The following CTNNA3 variants were observed in gnomAD, a reference collection of about 807,000 sequenced individuals.
CTNNA3 encodes catenin alpha-3.
Under a neutral mutation model 95.7 loss-of-function variants are expected in CTNNA3, and 76 were observed. That is an observed-to-expected ratio of 0.79 (90% confidence interval 0.66 to 0.96). The LOEUF (loss-of-function observed/expected upper bound fraction) is 0.96, where lower values mean the gene tolerates loss of function less well. Ranked by LOEUF, CTNNA3 falls within the 40% of genes least tolerant of loss-of-function variation. The pLI, the probability that CTNNA3 is intolerant of heterozygous loss-of-function variation, is 0.00. For synonymous variants in CTNNA3, 431 were observed against 374.4 expected, an observed-to-expected ratio of 1.15 and a Z score of -1.74; for missense variants, 1,191 against 1,089.8, an observed-to-expected ratio of 1.09 and a Z score of -1.31.
intron 7 of CTNNA3, among the ~76,000 whole-genome samples, chr10:67,055,183 A>G (rs1235971868): frequency 6.6e-6 from 1 of 152,158 alleles, no homozygotes; most frequent in Non-Finnish European, 1.5e-5. Flanking sequence ...GGCTCTTTGC[A>G]TCTCAACTTT....
At chr10:66,938,929 C>T (rs575959223) in intron 7 of CTNNA3, among the ~76,000 whole-genome samples, 6 of 152,244 alleles carry the variant, frequency 3.9e-5, no homozygotes, top group Admixed American at 2.0e-4. Flanking sequence ...GATCTCTCCC[C>T]GTCCACATCC....
chr10:66,996,649 C>CAAAAAAAAAAAAAAAAAAAAAAAAAAAAA, intron 7 of CTNNA3, among the ~76,000 whole-genome samples: 1 of 67,644 alleles, frequency 1.5e-5, no homozygotes, highest in Non-Finnish European at 2.5e-5. Context: ...TCCGTCTCTA[C>CAAAAAAAAAAAAAAAAAAAAAAAAAAAAA]AAAAAAAAAA....
chr10:66,589,235 G>A (rs1315479659), intron 10 of CTNNA3, among the ~76,000 whole-genome samples: 1 of 151,742 alleles, frequency 6.6e-6, no homozygotes, highest in Non-Finnish European at 1.5e-5. Flanking sequence ...GAGAGAGGGG[G>A]ATCAAGGAGA....
intron 5 of CTNNA3, among the ~76,000 whole-genome samples, chr10:67,230,784 T>TA (rs1437944765): frequency 1.3e-5 from 2 of 152,106 alleles, no homozygotes; most frequent in Non-Finnish European, 2.9e-5. Flanking sequence ...CACTAGGGAA[T>TA]ACCAGACACT....
At chr10:67,458,798 T>C (rs1355290098) in intron 5 of CTNNA3, among the ~76,000 whole-genome samples, 2 of 152,176 alleles carry the variant, frequency 1.3e-5, no homozygotes, top group East Asian at 1.9e-4. Context: ...TGGAGGAAAC[T>C]GCCCCCATAA....
At chr10:66,261,379 T>C (rs1282391891) in intron 13 of CTNNA3, among the ~76,000 whole-genome samples, 1 of 152,174 alleles carries the variant, frequency 6.6e-6, no homozygotes, top group East Asian at 1.9e-4. Flanking sequence ...CTAGTCCTTA[T>C]GTTATATTCC....
At chr10:67,270,802 C>A (rs977514588) in intron 5 of CTNNA3, among the ~76,000 whole-genome samples, 1 of 151,996 alleles carries the variant, frequency 6.6e-6, no homozygotes, top group African/African-American at 2.4e-5. Context: ...TTATATGTGA[C>A]GCTAATTCGT....
intron 6 of CTNNA3, among the ~76,000 whole-genome samples, chr10:67,217,487 T>C (rs917934446): frequency 1.1e-4 from 16 of 152,124 alleles, no homozygotes; most frequent in African/African-American, 3.9e-4. Context: ...GAAATATCTT[T>C]TGGACCCCTT....
chr10:66,977,332 A>G (rs1850103606), intron 7 of CTNNA3, among the ~76,000 whole-genome samples: 1 of 151,954 alleles, frequency 6.6e-6, no homozygotes, highest in Admixed American at 6.6e-5. Context: ...GCTACTCAGG[A>G]GGCTGAGGCA....
intron 13 of CTNNA3, among the ~76,000 whole-genome samples, chr10:66,199,787 ATATATATATATATATATATTTTT>A (rs2087229489): frequency 8.2e-5 from 1 of 12,244 alleles, no homozygotes; most frequent in African/African-American, 3.5e-4. Flanking sequence ...ATATATATAT[ATATATATATATATATATATTTTT>A]TTTTTTTTTT....
chr10:66,698,081 T>C (rs1287212681), intron 9 of CTNNA3, among the ~76,000 whole-genome samples: 1 of 152,174 alleles, frequency 6.6e-6, no homozygotes, highest in African/African-American at 2.4e-5. Flanking sequence ...AGCTCTGCCT[T>C]TTTACCCATG....
intron 7 of CTNNA3, among the ~76,000 whole-genome samples, chr10:66,940,501 G>C (rs536500270): frequency 6.6e-6 from 1 of 152,268 alleles, no homozygotes; most frequent in African/African-American, 2.4e-5. Flanking sequence ...ATTTTGCATA[G>C]AGTGTCTCAT....
chr10:66,176,655 G>A (rs2085728388), intron 13 of CTNNA3, among the ~76,000 whole-genome samples: 1 of 152,004 alleles, frequency 6.6e-6, no homozygotes, highest in Non-Finnish European at 1.5e-5. Flanking sequence ...AGGGATTAGT[G>A]CCCTTATAAA....
chr10:67,253,942 T>A (rs1181716123), intron 5 of CTNNA3, among the ~76,000 whole-genome samples: 1 of 152,118 alleles, frequency 6.6e-6, no homozygotes, highest in Non-Finnish European at 1.5e-5. Context: ...ACGAAAAATA[T>A]GTACTGTGTG....
At chr10:66,275,865 G>C (rs1026069092) in intron 13 of CTNNA3, among the ~76,000 whole-genome samples, 7 of 151,792 alleles carry the variant, frequency 4.6e-5, no homozygotes, top group African/African-American at 1.7e-4. Context: ...GAAATTTATA[G>C]AAGTTGTGAC....
intron 12 of CTNNA3, among the ~76,000 whole-genome samples, chr10:66,374,996 C>T (rs1239183815): frequency 6.6e-6 from 1 of 151,920 alleles, no homozygotes; most frequent in Admixed American, 6.6e-5. Flanking sequence ...ATTGAGTTGG[C>T]ACGTCCCTTA....
chr10:67,145,719 G>A (rs1860808553), intron 7 of CTNNA3, among the ~76,000 whole-genome samples: 1 of 152,136 alleles, frequency 6.6e-6, no homozygotes, highest in Admixed American at 6.5e-5. Flanking sequence ...ATGAGCCACT[G>A]CGCCCGGCCT....
intron 12 of CTNNA3, among the ~76,000 whole-genome samples, chr10:66,339,491 G>A (rs1488650966): frequency 6.6e-6 from 1 of 151,648 alleles, no homozygotes; most frequent in African/African-American, 2.4e-5. Context: ...AGAAGAAATT[G>A]GGAAAGAGAA....
intron 10 of CTNNA3, among the ~76,000 whole-genome samples, chr10:66,535,077 C>T (rs1486235299): frequency 6.6e-6 from 1 of 151,908 alleles, no homozygotes; most frequent in Non-Finnish European, 1.5e-5. Flanking sequence ...CAGTGATGCA[C>T]TACTTATTGT....
Sources: gnomAD v4.1 joint callset for allele counts (sites outside exome capture counted in the v4.1 genomes callset) on GRCh38, gnomAD v4.1.1 for gene constraint, MANE v1.5 for transcripts, NCBI Gene and HGNC (gene_info 2026-07-23, HGNC 2026-07-21) for gene names.